ABTB2: variants seen among roughly 807,000 people sequenced by gnomAD.
ABTB2 encodes the protein ankyrin repeat and BTB domain containing 2, also known as ankyrin repeat and BTB/POZ domain-containing protein 2.
In ABTB2, 56 loss-of-function variants were observed where a neutral mutation model predicts 104.1. The observed-to-expected ratio is 0.54, with a 90% CI of 0.43 to 0.67. The LOEUF (loss-of-function observed/expected upper bound fraction) is 0.67, where lower values mean the gene tolerates loss of function less well. Ranked by LOEUF, ABTB2 falls within the 30% of genes least tolerant of loss-of-function variation. The pLI is 0.00. For synonymous variants in ABTB2, 606 were observed against 608.2 expected, an observed-to-expected ratio of 1.00 and a Z score of 0.05; for missense variants, 1,279 against 1,407.7, an observed-to-expected ratio of 0.91 and a Z score of 1.46.
chr11:34,319,841 G>C (rs1053355099), intron 1 of ABTB2, among the ~76,000 whole-genome samples: 4 of 152,116 alleles, frequency 2.6e-5, no homozygotes, highest in Non-Finnish European at 5.9e-5. Flanking sequence ...GCTAATTTTT[G>C]TATTTTTAAT....
intron 3 of ABTB2, among the ~76,000 whole-genome samples, chr11:34,195,088 T>TGGGG (rs1565137708): frequency 6.0e-5 from 2 of 33,252 alleles, no homozygotes; most frequent in African/African-American, 8.9e-5. Flanking sequence ...GGGGGGGGAG[T>TGGGG]GGGGGCGGGA....
chr11:34,173,248 T>C lies in ABTB2; in HGVS notation c.1304A>G (p.Glu435Gly). ...EWMRVAITYA[E>G]HRRSLTVDSG... Reference sequence around the variant, plus strand: ...GTCCACGGTGAGGCTGCGGCGGTGCTCTGCGTAGGTGATGGCCACGCGCAT... The same window carrying C: ...GTCCACGGTGAGGCTGCGGCGGTGCCCTGCGTAGGTGATGGCCACGCGCAT... The change falls in exon 4 of 17, where the codon GAG becomes GGG. Residue 435 changes from glutamate (E) to glycine (G), a missense_variant. Physicochemically the swap from Glu to Gly is moderately conservative, Grantham distance 98. Transcript: ENST00000435224. 1 of 1,612,104 alleles carries C rather than the reference T, an allele frequency of 6.2e-7. No individual in the cohort carries two copies. Among genetic ancestry groups the C allele is most frequent in the East Asian group, 2.2e-5 (1 of 44,838 alleles).
intron 1 of ABTB2, among the ~76,000 whole-genome samples, chr11:34,297,115 C>G (rs983609887): frequency 1.3e-5 from 2 of 152,142 alleles, no homozygotes; most frequent in African/African-American, 4.8e-5. Flanking sequence ...ACAAGGAAAT[C>G]TAGATTTAGT....
chr11:34,346,833 G>A (rs996186264), intron 1 of ABTB2, among the ~76,000 whole-genome samples: 5 of 152,148 alleles, frequency 3.3e-5, no homozygotes, highest in East Asian at 1.9e-4. Flanking sequence ...GGATTGTTCC[G>A]GATGCTTGTG....
chr11:34,315,013 T>C (rs756344559), intron 1 of ABTB2, among the ~76,000 whole-genome samples: 60 of 152,336 alleles, frequency 3.9e-4, no homozygotes, highest in Middle Eastern at 3.4e-3. Context: ...GAAAGGCCGC[T>C]GCAGATTATC....
At chr11:34,253,878 C>T (rs947256972) in intron 1 of ABTB2, among the ~76,000 whole-genome samples, 4 of 152,124 alleles carry the variant, frequency 2.6e-5, no homozygotes, top group African/African-American at 9.7e-5. Flanking sequence ...GAGAAAACTT[C>T]CTTGTTTGGC....
chr11:34,320,239 C>G (rs1177076794), intron 1 of ABTB2, among the ~76,000 whole-genome samples: 1 of 152,164 alleles, frequency 6.6e-6, no homozygotes, highest in Non-Finnish European at 1.5e-5. Context: ...GCACAGATGA[C>G]CCAAATAGAA....
At chr11:34,226,619 G>A (rs1371320028) in intron 1 of ABTB2, among the ~76,000 whole-genome samples, 1 of 152,206 alleles carries the variant, frequency 6.6e-6, no homozygotes, top group African/African-American at 2.4e-5. Flanking sequence ...GCGTTCATGA[G>A]TCCAAGTAGG....
At chr11:34,281,774 T>C (rs2133087124) in intron 1 of ABTB2, among the ~76,000 whole-genome samples, 1 of 152,354 alleles carries the variant, frequency 6.6e-6, no homozygotes, top group East Asian at 1.9e-4. Flanking sequence ...CTTCTAGCTC[T>C]TGGAACACTG....
chr11:34,167,204 G>A, intron 7 of ABTB2, 55 bp downstream of exon 7: 2 of 1,494,134 alleles, frequency 1.3e-6, no homozygotes, highest in African/African-American at 1.4e-5. Flanking sequence ...CTGTGCTTGG[G>A]GCCCAGGTCA....
chr11:34,247,126 C>T (rs533153390), intron 1 of ABTB2, among the ~76,000 whole-genome samples: 5 of 152,304 alleles, frequency 3.3e-5, no homozygotes, highest in South Asian at 4.1e-4. Context: ...GGATTACAGA[C>T]GTGAGCCACT....
At chr11:34,247,643 A>C (rs1854001900) in intron 1 of ABTB2, among the ~76,000 whole-genome samples, 3 of 152,220 alleles carry the variant, frequency 2.0e-5, no homozygotes, top group Admixed American at 6.5e-5. Flanking sequence ...GCATCTGTAC[A>C]TGTATTGAGG....
At chr11:34,257,336 T>C (rs1337605256) in intron 1 of ABTB2, among the ~76,000 whole-genome samples, 1 of 152,140 alleles carries the variant, frequency 6.6e-6, no homozygotes, top group African/African-American at 2.4e-5. Context: ...TTGGTACTTA[T>C]CAAAAGCAAC....
Position 34,170,972 on chromosome 11 carries a change from C to T in ABTB2, c.1497G>A (p.Arg499=). 2.5e-6 allele frequency: 4 copies of T among 1,614,192 alleles called. No homozygotes were observed. The highest frequency in any genetic ancestry group is 3.4e-6 in the Non-Finnish European group (4 of 1,180,038). The change falls in exon 5 of 17, where the codon AGG becomes AGA. Residue 499 remains arginine, a synonymous_variant. Transcript: ENST00000435224. ...CGATGGCTTGGTTGATGAGGTCCGT[C>T]CTCCCACAGTTGAGCATGCGGAAAC... ...DLGFRMLNCG[R]TDLINQAIEA...
chr11:34,164,722 A>G lies in ABTB2; in HGVS notation c.1952T>C (p.Met651Thr). ...HGMGSSLHED[M>T]NCFSHSAAHG... The stretch of plus-strand genomic sequence containing the variant: ...GGCAGCTGAGTGGCTGAAGCAGTTC[A>G]TGTCCTCGTGGAGGGAGGAGCCCAT... The change falls in exon 9 of 17, where the codon ATG (methionine) becomes ACG (threonine). Residue 651 changes from methionine to threonine, a missense_variant. Coordinates refer to ENST00000435224, the MANE Select transcript of ABTB2 (RefSeq NM_145804.3). 1 of 1,548,596 alleles carries G rather than the reference A, an allele frequency of 6.5e-7. No homozygotes were observed. Among genetic ancestry groups the G allele is most frequent in the Non-Finnish European group, 8.6e-7 (1 of 1,158,026 alleles).
chr11:34,160,038 G>A (rs754138701), intron 12 of ABTB2, 30 bp from the exon 13 acceptor site: 6 of 1,566,848 alleles, frequency 3.8e-6, no homozygotes, highest in South Asian at 1.1e-5. Context: ...AGAGGGATAT[G>A]GCTGAGGAGT....
intron 3 of ABTB2, among the ~76,000 whole-genome samples, chr11:34,183,527 C>T (rs1459490829): frequency 1.3e-5 from 2 of 152,224 alleles, no homozygotes; most frequent in Non-Finnish European, 2.9e-5. Context: ...AGACTGCCCA[C>T]GGTGGCCTGC....
chr11:34,219,528 G>T (rs1338542701), intron 1 of ABTB2, among the ~76,000 whole-genome samples: 2 of 152,140 alleles, frequency 1.3e-5, no homozygotes, highest in Non-Finnish European at 2.9e-5. Context: ...GGGCAACAGA[G>T]CAAGACCCTG....
intron 8 of ABTB2, 64 bp from the exon 9 acceptor site, chr11:34,164,885 A>G (rs1852777240): frequency 6.5e-7 from 1 of 1,549,116 alleles, no homozygotes. Context: ...AGCTGAGGCG[A>G]AAGGGAAGGG....
Sources: allele counts gnomAD v4.1 joint callset (sites outside exome capture counted in the v4.1 genomes callset), GRCh38; gene constraint gnomAD v4.1.1; transcripts MANE v1.5; gene names NCBI Gene and HGNC (gene_info 2026-07-23, HGNC 2026-07-21).